RBBP6: variants seen among roughly 807,000 people sequenced by gnomAD.
The protein encoded by RBBP6 is E3 ubiquitin-protein ligase RBBP6.
RBBP6 carries 25 observed loss-of-function variants against 167.7 expected under a neutral mutation model. The ratio of observed to expected loss-of-function variants is 0.15; its 90% CI spans 0.11 to 0.21. The LOEUF (loss-of-function observed/expected upper bound fraction) is 0.21, where lower values mean the gene tolerates loss of function less well. Ranked by LOEUF, RBBP6 falls within the 10% of genes least tolerant of loss-of-function variation. The pLI, the probability that RBBP6 is intolerant of heterozygous loss-of-function variation, is 1.00. For missense variants in RBBP6, 1,868 were observed against 2,134.2 expected (o/e 0.88, Z 2.46); for synonymous variants, 789 against 735.8 (o/e 1.07, Z -1.17).
In RBBP6 at chr16:24,569,097, C is replaced by T. The variant is rs780648585; in HGVS notation, c.2407C>T (p.Pro803Ser). 8.1e-5 allele frequency: 130 copies of T among 1,613,698 alleles called. No homozygotes were observed. Among genetic ancestry groups the T allele is most frequent in the Non-Finnish European group, 1.1e-4 (128 of 1,179,912 alleles). Residue 803 changes from proline to serine, a missense_variant, in exon 17 of 18, where the codon CCA becomes TCA. This residue lies in a region of RBBP6 where 673 missense variants were observed against 691.5 expected (regional missense o/e 0.97). Coordinates refer to ENST00000319715, the MANE Select transcript of RBBP6 (RefSeq NM_006910.5). ...ATATTTTAATAGATACAGAGAAGTT[C>T]CACCACCATATGACATGAAAGCATA... Reference protein sequence around the residue: ...REYFNRYREVPPPYDMKAYYG... With the variant: ...REYFNRYREVSPPYDMKAYYG...
At chr16:24,553,653 A>C (rs1898850587) in intron 4 of RBBP6, 96 bp downstream of exon 4, 1 of 982,152 alleles carries the variant, frequency 1.0e-6, no homozygotes, top group African/African-American at 1.6e-5. Context: ...GGGGGAGGAC[A>C]TATTTTGCAA....
rs1202295776 is a variant in RBBP6, at chr16:24,569,453, T to A, written c.2763T>A (p.Ser921Arg). The change falls in exon 17 of 18, where the codon AGT becomes AGA. Residue 921 changes from serine to arginine, a missense_variant. Coordinates refer to ENST00000319715, the MANE Select transcript of RBBP6 (RefSeq NM_006910.5). The stretch of plus-strand genomic sequence containing the variant: ...ATACAAAGTCAAAAGAGAAGGAGAG[T>A]GAAAACGCTCCAGGAGATGGTAAAG... ...KDNTKSKEKE[S>R]ENAPGDGKGN... 1 of 1,611,814 alleles carries A rather than the reference T, an allele frequency of 6.2e-7. No homozygotes were observed. The highest frequency in any genetic ancestry group is 1.1e-5 in the South Asian group (1 of 90,718).
Position 24,571,144 on chromosome 16 carries a change from G to A in RBBP6, c.4078G>A (p.Val1360Ile). ...KNVSTKPSNI[V>I]KYPEKESEPS... Reference sequence around the variant, plus strand: ...TGTTAGTACAAAGCCATCAAATATAGTCAAGTATCCTGAGAAAGAAAGTGA... The same window carrying A: ...TGTTAGTACAAAGCCATCAAATATAATCAAGTATCCTGAGAAAGAAAGTGA... Residue 1360 changes from valine (V) to isoleucine (I), a missense_variant, in exon 18 of 18, where the codon GTC (valine) becomes ATC (isoleucine). Transcript: ENST00000319715. 1.9e-6 allele frequency: 3 copies of A among 1,613,600 alleles called. No individual in the cohort carries two copies. The highest frequency in any genetic ancestry group is 1.7e-4 in the Middle Eastern group (1 of 6,060).
At position 24,571,460 on chromosome 16, in the gene RBBP6, A is replaced by T; in HGVS notation, c.4394A>T (p.Lys1465Ile). The T allele has an allele frequency of 6.2e-7, 1 of 1,612,924 alleles. No individual in the cohort carries two copies. Residue 1465 changes from lysine to isoleucine, a missense_variant, in exon 18 of 18, where the codon AAA becomes ATA. Transcript: ENST00000319715. ...GATTCCACTCGTGCTTCCTCAAATAAAGACTTCACTCCCAATAGAGACAAA... is the reference window on the plus strand; with the variant it reads ...GATTCCACTCGTGCTTCCTCAAATATAGACTTCACTCCCAATAGAGACAAA... ...KHDSTRASSN[K>I]DFTPNRDKKT...
At chr16:24,563,866 G>A (rs1899131738) in intron 13 of RBBP6, among the ~76,000 whole-genome samples, 1 of 151,626 alleles carries the variant, frequency 6.6e-6, no homozygotes, top group Non-Finnish European at 1.5e-5. Flanking sequence ...TTTTAAATGA[G>A]CAAATCTTTT....
At chr16:24,544,592 TAATGAC>T (rs1374418194) in intron 1 of RBBP6, among the ~76,000 whole-genome samples, 1 of 152,212 alleles carries the variant, frequency 6.6e-6, no homozygotes, top group Non-Finnish European at 1.5e-5. Context: ...CAAGTAAACT[TAATGAC>T]AATAAAAAGG....
chr16:24,562,650 T>A (rs1899093335), intron 10 of RBBP6, among the ~76,000 whole-genome samples: 1 of 151,496 alleles, frequency 6.6e-6, no homozygotes, highest in African/African-American at 2.4e-5. Flanking sequence ...GAAATGAGAC[T>A]TTTGTCCATG....
In RBBP6 at chr16:24,570,474, A is replaced by C; in HGVS notation, c.3784A>C (p.Ser1262Arg). 6.3e-7 allele frequency: 1 copy of C among 1,590,666 alleles called. No homozygotes were observed. The highest frequency in any genetic ancestry group is 2.2e-5 in the East Asian group (1 of 44,782). ...AAAAGTGACTGGAACTGAAGGATCC[A>C]GCTCAACTCTGGTGGATTACACCAG... The part of the protein sequence containing the change: ...RRKVTGTEGS[S>R]STLVDYTSTS... The change falls in exon 17 of 18, where the codon AGC becomes CGC. Residue 1262 changes from serine (S) to arginine (R), a missense_variant. Ser to Arg is a moderately radical substitution (Grantham distance 110). Around this residue, in one of 7 missense-constraint regions of RBBP6, gnomAD observed 673 missense variants for 691.5 expected, o/e 0.97. Transcript: ENST00000319715.
chr16:24,555,174 C>T (rs1450461801), intron 4 of RBBP6: 2 of 153,324 alleles, frequency 1.3e-5, no homozygotes, highest in African/African-American at 4.8e-5. Context: ...ACATCACTAC[C>T]TAAAGAGCCT....
At chr16:24,557,571 C>CA (rs889545286) in intron 7 of RBBP6, among the ~76,000 whole-genome samples, 87 of 138,706 alleles carry the variant, frequency 6.3e-4, no homozygotes, top group Middle Eastern at 3.6e-3. Flanking sequence ...GGACCTTGGG[C>CA]AAAAAAAAAA....
At position 24,569,593 on chromosome 16, in the gene RBBP6, A is replaced by C; in HGVS notation, c.2903A>C (p.Glu968Ala). The C allele has an allele frequency of 6.2e-7, 1 of 1,612,276 alleles. No individual in the cohort carries two copies. The highest frequency in any genetic ancestry group is 8.5e-7 in the Non-Finnish European group (1 of 1,179,596). ...RKSREPTGVEENKTDSLFVLP... is the reference protein window; with the variant it reads ...RKSREPTGVEANKTDSLFVLP... ...TCAAGAGAACCTACAGGTGTTGAAG[A>C]AAATAAAACAGACTCATTGTTTGTT... is the stretch of plus-strand genomic sequence containing the variant. The change falls in exon 17 of 18, where the codon GAA becomes GCA. Residue 968 changes from glutamate to alanine, a missense_variant. Coordinates refer to ENST00000319715, the MANE Select transcript of RBBP6 (RefSeq NM_006910.5).
chr16:24,546,184 T>A lies in RBBP6; in HGVS notation c.188T>A (p.Leu63Gln). ...ACAGAATATACTGATGATAATGCTC[T>A]GATTCCTAAGAATTCTTCTGTAATT... is the stretch of plus-strand genomic sequence containing the variant. ...TKEEYTDDNA[L>Q]IPKNSSVIVR... is the part of the protein sequence containing the mutation. Residue 63 changes from leucine (L) to glutamine (Q), a missense_variant, in exon 2 of 18, where the codon CTG (leucine) becomes CAG (glutamine). This residue lies in a region of RBBP6 where 184 missense variants were observed against 327.7 expected (regional missense o/e 0.56). Coordinates refer to ENST00000319715, the MANE Select transcript of RBBP6 (RefSeq NM_006910.5). The A allele has an allele frequency of 6.3e-7, 1 of 1,586,860 alleles. No individual in the cohort carries two copies. The highest frequency in any genetic ancestry group is 8.5e-7 in the Non-Finnish European group (1 of 1,171,856).
In RBBP6 at chr16:24,570,175, C is replaced by G; in HGVS notation, c.3485C>G (p.Ser1162Cys). ...AAAGGCGTAGATAAAGATTTTGAGT[C>G]TTCTTCAATGAAAATCTCGAAACTA... Reference protein sequence around the residue: ...EEKGVDKDFESSSMKISKLEV... With the variant: ...EEKGVDKDFECSSMKISKLEV... Residue 1162 changes from serine (S) to cysteine (C), a missense_variant, in exon 17 of 18, where the codon TCT becomes TGT. Ser to Cys is a moderately radical substitution (Grantham distance 112, BLOSUM62 -1). Coordinates refer to ENST00000319715, the MANE Select transcript of RBBP6 (RefSeq NM_006910.5). The G allele has an allele frequency of 6.3e-7, 1 of 1,598,908 alleles. No homozygotes were observed. Among genetic ancestry groups the G allele is most frequent in the Non-Finnish European group, 8.5e-7 (1 of 1,176,622 alleles).
chr16:24,572,282 A>G lies in RBBP6; in HGVS notation c.5216A>G (p.Lys1739Arg). Residue 1739 changes from lysine (K) to arginine (R), a missense_variant, in exon 18 of 18, where the codon AAG becomes AGG. By Grantham distance (26) the Lys-to-Arg change is conservative (BLOSUM62 2). Transcript: ENST00000319715. Reference sequence around the variant, plus strand: ...AAAAAGAAGGAAAAGAAAAAACACAAGAAACATAAAAAGCATAAGAAGCAT... The same window carrying G: ...AAAAAGAAGGAAAAGAAAAAACACAGGAAACATAAAAAGCATAAGAAGCAT... ...KKKKKEKKKHKKHKKHKKHKK... is the reference protein window; with the variant it reads ...KKKKKEKKKHRKHKKHKKHKK... 6.2e-7 allele frequency: 1 copy of G among 1,605,882 alleles called. No homozygotes were observed. The highest frequency in any genetic ancestry group is 8.5e-7 in the Non-Finnish European group (1 of 1,175,852).
rs1294985325 is a variant in RBBP6 at position 24,561,254 on chromosome 16, T to TA, written c.848-345dup. Among the ~76,000 whole-genome samples, 263 of 143,664 alleles carry TA rather than the reference T, an allele frequency of 1.8e-3. 1 individual carries two copies. Among genetic ancestry groups the TA allele is most frequent in the African/African-American group, 3.8e-3 (150 of 39,504 alleles). 94.2% of individuals were successfully genotyped at this position (143,664 alleles called of 152,430 possible). ...TTTGCTCTCAATTCAGACATTTGTT[T>TA]AAAAAAAAAAAAAGATGGGGTGGGG... On this transcript the variant is annotated intron_variant, in intron 8 of 17. Coordinates refer to ENST00000319715, the MANE Select transcript of RBBP6 (RefSeq NM_006910.5).
At position 24,571,439 on chromosome 16, in the gene RBBP6, C is replaced by T. The variant is rs1244287646; in HGVS notation, c.4373C>T (p.Ser1458Phe). The T allele has an allele frequency of 1.3e-5, 21 of 1,613,018 alleles. No individual in the cohort carries two copies. The highest frequency in any genetic ancestry group is 1.8e-5 in the Non-Finnish European group (21 of 1,179,852). ...KEARTSDKHD[S>F]TRASSNKDFT... ...GCTAGAACGTCAGATAAACATGATT[C>T]CACTCGTGCTTCCTCAAATAAAGAC... Residue 1458 changes from serine to phenylalanine, a missense_variant, in exon 18 of 18, where the codon TCC (serine) becomes TTC (phenylalanine). Coordinates refer to ENST00000319715, the MANE Select transcript of RBBP6 (RefSeq NM_006910.5).
At chr16:24,541,191 A>AAG (rs1555471246) in intron 1 of RBBP6, among the ~76,000 whole-genome samples, 2 of 78,504 alleles carry the variant, frequency 2.5e-5, no homozygotes, top group East Asian at 4.2e-4. Flanking sequence ...CAAAAAAAAA[A>AAG]ACAAAAAAAA....
chr16:24,566,696 TAC>T (rs893138255), intron 14 of RBBP6, among the ~76,000 whole-genome samples: 1 of 152,112 alleles, frequency 6.6e-6, no homozygotes, highest in Non-Finnish European at 1.5e-5. Flanking sequence ...GAGCCAAGAT[TAC>T]ACCACTGTAG....
Position 24,561,167 on chromosome 16 carries a change from T to A in RBBP6, c.848-445T>A, listed in dbSNP as rs867103566. Among the ~76,000 whole-genome samples, 12 of 152,342 alleles carry A rather than the reference T, an allele frequency of 7.9e-5. No homozygotes were observed. In the Middle Eastern group the frequency reaches 0.014, roughly 173 times the overall value. ...TTTCTAGACTATCTTATATTTCTCT[T>A]TTGTTTTCTACAATATTCCAGTTAC... On this transcript the variant is annotated intron_variant, in intron 8 of 17. Transcript: ENST00000319715.
Sources: gnomAD v4.1 joint callset for allele counts (sites outside exome capture counted in the v4.1 genomes callset) on GRCh38, gnomAD v4.1.1 for gene constraint, gnomAD v4.1.1 regional missense constraint, MANE v1.5 for transcripts, NCBI Gene and HGNC (gene_info 2026-07-23, HGNC 2026-07-21) for gene names.